The following SGSM1 variants were observed in gnomAD, a reference collection of about 807,000 sequenced individuals.
SGSM1 encodes RUN and TBC1 domain containing 2.
A neutral mutation model predicts 133.8 loss-of-function variants in SGSM1; 73 were observed. That is an observed-to-expected ratio of 0.55 (90% CI 0.45 to 0.66). The LOEUF is 0.66. Ranked by LOEUF, SGSM1 falls within the 30% of genes least tolerant of loss-of-function variation. SGSM1 has a pLI of 0.00. For synonymous variants in SGSM1, 563 were observed against 573.0 expected (o/e 0.98, Z 0.25); for missense variants, 1,213 against 1,448.1 (o/e 0.84, Z 2.64).
intron 19 of SGSM1, 38 bp from the exon 20 acceptor site, chr22:24,901,789 ATTTTTC>A (rs1304630418): frequency 1.0e-5 from 16 of 1,599,742 alleles, no homozygotes; most frequent in Non-Finnish European, 1.4e-5. Flanking sequence ...CTTAGATGTG[ATTTTTC>A]ATTTCTTCCC....
intron 14 of SGSM1, among the ~76,000 whole-genome samples, chr22:24,882,270 A>C (rs1462083562): frequency 6.6e-6 from 1 of 151,932 alleles, no homozygotes; most frequent in Non-Finnish European, 1.5e-5. Context: ...TGGTCTCACT[A>C]TGTTGCCTAG....
chr22:24,880,444 G>A (rs956286288), intron 14 of SGSM1, among the ~76,000 whole-genome samples: 4 of 152,128 alleles, frequency 2.6e-5, no homozygotes, highest in Non-Finnish European at 5.9e-5. Context: ...CTGCCACCTT[G>A]ATTTTTCAGT....
intron 9 of SGSM1, 149 bp downstream of exon 9, chr22:24,859,989 C>T: frequency 8.8e-7 from 1 of 1,142,650 alleles, no homozygotes; most frequent in Admixed American, 2.2e-5. Context: ...GGCTCAGCCT[C>T]CCCGCAGCTG....
intron 13 of SGSM1, 59 bp downstream of exon 13, chr22:24,876,774 A>C: frequency 1.2e-6 from 2 of 1,606,776 alleles, no homozygotes; most frequent in South Asian, 1.1e-5. Context: ...AGATCTGTAG[A>C]TGCCCATGTC....
At chr22:24,918,794 C>T (rs951669901) in intron 23 of SGSM1, among the ~76,000 whole-genome samples, 3 of 151,786 alleles carry the variant, frequency 2.0e-5, no homozygotes, top group Admixed American at 6.6e-5. Flanking sequence ...AGCAATGGCG[C>T]GATCTTGGCT....
intron 16 of SGSM1, among the ~76,000 whole-genome samples, chr22:24,890,644 G>C (rs543629890): frequency 1.3e-5 from 2 of 151,768 alleles, no homozygotes; most frequent in Non-Finnish European, 2.9e-5. Context: ...GGGTTCAAGC[G>C]ATTCTCCTGC....
At chr22:24,879,563 G>A (rs569233366) in intron 14 of SGSM1, 37 bp downstream of exon 14, 45 of 1,599,888 alleles carry the variant, frequency 2.8e-5, no homozygotes, top group South Asian at 2.8e-4. Flanking sequence ...TGTCTCCGTG[G>A]AGCAGCTATT....
At chr22:24,829,984 C>T (rs1412094199) in intron 2 of SGSM1, among the ~76,000 whole-genome samples, 1 of 152,196 alleles carries the variant, frequency 6.6e-6, no homozygotes, top group East Asian at 1.9e-4. Context: ...AATTCCAGCT[C>T]TTCCTTCCAG....
chr22:24,846,871 C>T (rs1292959015), intron 3 of SGSM1, among the ~76,000 whole-genome samples: 8 of 150,936 alleles, frequency 5.3e-5, no homozygotes, highest in African/African-American at 1.5e-4. Flanking sequence ...GACGGAGTCT[C>T]GCTCTGTCGC....
intron 2 of SGSM1, among the ~76,000 whole-genome samples, chr22:24,819,840 C>T (rs1394878675): frequency 1.3e-5 from 2 of 152,104 alleles, no homozygotes; most frequent in African/African-American, 2.4e-5. Flanking sequence ...TCTGATGTAC[C>T]TGTGTGTGTT....
At chr22:24,844,844 G>A in intron 2 of SGSM1, 53 bp from the exon 3 acceptor site, 1 of 1,586,368 alleles carries the variant, frequency 6.3e-7, no homozygotes, top group Non-Finnish European at 8.6e-7. Context: ...CCTATACCCA[G>A]GTCACCTTGG....
rs1934121881 is a variant in SGSM1 at position 24,924,434 on chromosome 22, G to A, written c.*160G>A. 1 of 627,334 alleles carries A rather than the reference G, an allele frequency of 1.6e-6. No individual in the cohort carries two copies. Among genetic ancestry groups the A allele is most frequent in the African/African-American group, 1.8e-5 (1 of 55,000 alleles). The allele number at this position is 627,334 out of a possible 1,614,324, so 38.9% of individuals were successfully genotyped here. On this transcript the variant is annotated 3_prime_UTR_variant, in exon 25 of 25. Transcript: ENST00000400358. ...AGAAACTACCCTGACTTTTACTTCT[G>A]GGCAGATGGGGTGGAGGGAGTACCC...
chr22:24,842,693 A>G (rs1929875045), intron 2 of SGSM1, among the ~76,000 whole-genome samples: 1 of 152,214 alleles, frequency 6.6e-6, no homozygotes, highest in African/African-American at 2.4e-5. Flanking sequence ...GAACCCAAGC[A>G]GGGGAATTTG....
rs1490678645 is a variant in SGSM1 at position 24,886,623 on chromosome 22, G to A, written c.1665G>A (p.Leu555=). Residue 555 remains leucine (L), a synonymous_variant, in exon 16 of 25, where the codon CTG becomes CTA. Coordinates refer to ENST00000400358, the MANE Select transcript of SGSM1 (RefSeq NM_001098497.3). The part of the protein sequence containing the change: ...DSTSYEEQEL[L]RLIYYGGIQP... ...AGAGTTACGAGGAGCAGGAGCTGCT[G>A]CGCCTCATCTACTACGGGGGCATCC... 6.4e-7 allele frequency: 1 copy of A among 1,553,298 alleles called. No individual in the cohort carries two copies. The highest frequency in any genetic ancestry group is 1.4e-5 in the African/African-American group (1 of 73,132).
At position 24,924,396 on chromosome 22, in the gene SGSM1, G is replaced by T. The variant is rs1007268974; in HGVS notation, c.*122G>T. 1.0e-5 allele frequency: 8 copies of T among 788,320 alleles called. No homozygotes were observed. The highest frequency in any genetic ancestry group is 1.7e-5 in the Non-Finnish European group (8 of 468,450). The allele number at this position is 788,320 out of a possible 1,614,324, so 48.8% of individuals were successfully genotyped here. ...CCTGGTGTCTGTTCACAAGCGTGGAGTTCAGTGCGCAAAGAAACTACCCTG... is the reference window on the plus strand; with the variant it reads ...CCTGGTGTCTGTTCACAAGCGTGGATTTCAGTGCGCAAAGAAACTACCCTG... On this transcript the variant is annotated 3_prime_UTR_variant, in exon 25 of 25. Coordinates refer to ENST00000400358, the MANE Select transcript of SGSM1 (RefSeq NM_001098497.3).
intron 2 of SGSM1, chr22:24,813,831 C>T (rs1487875516): frequency 1.3e-5 from 2 of 152,312 alleles, no homozygotes; most frequent in Non-Finnish European, 2.9e-5. Flanking sequence ...CCCCAGCCAC[C>T]TCATGAGGTG....
At chr22:24,820,212 C>T (rs1392969379) in intron 2 of SGSM1, among the ~76,000 whole-genome samples, 1 of 152,118 alleles carries the variant, frequency 6.6e-6, no homozygotes, top group Non-Finnish European at 1.5e-5. Flanking sequence ...ACAAGAATGT[C>T]CCCGAGAGAA....
At chr22:24,825,995 C>T (rs4820613) in intron 2 of SGSM1, among the ~76,000 whole-genome samples, 23,622 of 150,472 alleles carry the variant, frequency 0.16, 2,328 homozygotes, top group Admixed American at 0.24. Flanking sequence ...TTTATTTAGA[C>T]CTACTGTGTG....
intron 2 of SGSM1, among the ~76,000 whole-genome samples, chr22:24,817,446 G>A (rs1928164792): frequency 1.3e-5 from 2 of 151,796 alleles, no homozygotes; most frequent in Admixed American, 1.3e-4. Flanking sequence ...TCCGCCTCCT[G>A]GGTTCAAGCG....
Sources: gnomAD v4.1 joint callset for allele counts (sites outside exome capture counted in the v4.1 genomes callset) on GRCh38, gnomAD v4.1.1 for gene constraint, MANE v1.5 for transcripts, NCBI Gene and HGNC (gene_info 2026-07-23, HGNC 2026-07-21) for gene names.